KIF20B: variants seen among roughly 807,000 people sequenced by gnomAD.
The protein encoded by KIF20B is kinesin-like protein KIF20B.
KIF20B carries 188 observed loss-of-function variants against 232.5 expected under a neutral mutation model. That is an observed-to-expected ratio of 0.81 (90% CI 0.72 to 0.91). The LOEUF is 0.91. KIF20B is among the 40% of genes least tolerant of loss of function. The probability of loss-of-function intolerance (pLI) is 0.00; values close to 1 mark genes in which losing one functional copy is unlikely to be tolerated. For synonymous variants in KIF20B, 712 were observed against 683.0 expected (o/e 1.04, Z -0.66); for missense variants, 2,154 against 2,055.9 (o/e 1.05, Z -0.92).
In KIF20B at chr10:89,717,675, G is replaced by A; in HGVS notation, c.1224G>A (p.Leu408=). Residue 408 remains leucine, a synonymous_variant, in exon 11 of 33, where the codon TTG becomes TTA. Coordinates refer to ENST00000371728, the MANE Select transcript of KIF20B (RefSeq NM_001284259.2). ...RETGNINTSL[L]TLGKCINVLK... ...CTGGGAATATCAACACTTCTTTATT[G>A]ACTCTGGGAAAGTGTATTAACGTCT... 1 of 1,609,878 alleles carries A rather than the reference G, an allele frequency of 6.2e-7. No individual in the cohort carries two copies. Among genetic ancestry groups the A allele is most frequent in the Non-Finnish European group, 8.5e-7 (1 of 1,177,136 alleles).
intron 19 of KIF20B, among the ~76,000 whole-genome samples, chr10:89,735,546 T>TTTC (rs1841631656): frequency 6.8e-6 from 1 of 146,416 alleles, no homozygotes; most frequent in South Asian, 2.2e-4. Flanking sequence ...TTTTTTTTTT[T>TTTC]TTTTTTTTTT....
chr10:89,710,870 A>G (rs1842823191), intron 5 of KIF20B, 91 bp from the exon 6 acceptor site: 2 of 912,216 alleles, frequency 2.2e-6, no homozygotes, highest in East Asian at 2.7e-5. Context: ...ACTCTTGCCT[A>G]TTGGTAGTAT....
intron 18 of KIF20B, among the ~76,000 whole-genome samples, chr10:89,732,570 A>G (rs915525187): frequency 3.3e-5 from 5 of 152,188 alleles, no homozygotes; most frequent in Non-Finnish European, 2.9e-5. Flanking sequence ...CTATTTTTCT[A>G]GGAGTTGTTA....
At chr10:89,701,846 G>C (rs1842616299) in intron 1 of KIF20B, 166 bp downstream of exon 1, 2 of 152,214 alleles carry the variant, frequency 1.3e-5, no homozygotes, top group East Asian at 1.9e-4. Flanking sequence ...ATGCGAACAC[G>C]GGGTACGCAG....
chr10:89,740,270 TTTAC>T (rs1841767793), intron 21 of KIF20B, among the ~76,000 whole-genome samples: 2 of 151,932 alleles, frequency 1.3e-5, no homozygotes, highest in Admixed American at 6.6e-5. Context: ...AGTTTTTATT[TTTAC>T]TTATTTAAAA....
intron 24 of KIF20B, 104 bp from the exon 25 acceptor site, chr10:89,752,463 A>T (rs1016047842): frequency 2.6e-6 from 2 of 774,430 alleles, no homozygotes; most frequent in South Asian, 2.2e-5. Flanking sequence ...TGTGTTCTTT[A>T]TCTGGGCTCT....
chr10:89,751,686 T>C (rs1365714683), intron 24 of KIF20B, among the ~76,000 whole-genome samples: 1 of 152,044 alleles, frequency 6.6e-6, no homozygotes, highest in African/African-American at 2.4e-5. Flanking sequence ...GGACACTGCA[T>C]GATAACTTAC....
intron 25 of KIF20B, among the ~76,000 whole-genome samples, chr10:89,754,089 T>C (rs1351801996): frequency 6.6e-6 from 1 of 151,328 alleles, no homozygotes; most frequent in African/African-American, 2.4e-5. Context: ...TTAATAAATA[T>C]CCTGTTGCAC....
At chr10:89,758,626 T>G in intron 26 of KIF20B, 80 bp from the exon 27 acceptor site, 1 of 952,570 alleles carries the variant, frequency 1.0e-6, no homozygotes, top group South Asian at 2.6e-5. Context: ...TTTATGGTGT[T>G]ACATATAATA....
chr10:89,751,530 C>A, intron 24 of KIF20B, 59 bp downstream of exon 24: 1 of 1,500,628 alleles, frequency 6.7e-7, no homozygotes, highest in South Asian at 1.3e-5. Flanking sequence ...AAAAAATTTC[C>A]TAGATTTCTT....
chr10:89,750,865 A>C (rs2133149889), intron 23 of KIF20B, among the ~76,000 whole-genome samples: 1 of 152,294 alleles, frequency 6.6e-6, no homozygotes, highest in African/African-American at 2.4e-5. Context: ...ATTTTTCTAG[A>C]AAAAGTAACT....
chr10:89,764,046 C>G (rs1054969410), intron 29 of KIF20B, among the ~76,000 whole-genome samples: 5 of 111,072 alleles, frequency 4.5e-5, no homozygotes, highest in African/African-American at 1.7e-4. Context: ...TCCCTCCCCC[C>G]TCCCCCCACC....
chr10:89,729,679 T>C (rs12253366), intron 18 of KIF20B, among the ~76,000 whole-genome samples: 2,567 of 152,302 alleles, frequency 0.017, 90 homozygotes, highest in African/African-American at 0.058. Flanking sequence ...TTGCTATTGT[T>C]TATATGCTTA....
intron 8 of KIF20B, 108 bp downstream of exon 8, chr10:89,715,290 A>G: frequency 1.5e-6 from 1 of 688,452 alleles, no homozygotes; most frequent in East Asian, 2.9e-5. Context: ...AATGCTAATT[A>G]TTAACATTAA....
intron 31 of KIF20B, among the ~76,000 whole-genome samples, chr10:89,769,677 A>G (rs891256722): frequency 6.9e-6 from 1 of 145,838 alleles, no homozygotes; most frequent in Admixed American, 6.8e-5. Context: ...ATGTTAAGAT[A>G]TATACACATG....
intron 1 of KIF20B, among the ~76,000 whole-genome samples, chr10:89,703,527 G>T (rs919416143): frequency 6.6e-5 from 10 of 152,270 alleles, no homozygotes; most frequent in Admixed American, 3.3e-4. Context: ...ATGCCTAAAT[G>T]ATGTTGCACA....
At chr10:89,760,723 C>T (rs1842222032) in intron 28 of KIF20B, 87 bp downstream of exon 28, 1 of 775,780 alleles carries the variant, frequency 1.3e-6, no homozygotes, top group Non-Finnish European at 2.2e-6. Flanking sequence ...CTGAAGATAC[C>T]TTACTGCACA....
At chr10:89,770,511 TATA>T (rs988993411) in intron 31 of KIF20B, among the ~76,000 whole-genome samples, 2 of 152,022 alleles carry the variant, frequency 1.3e-5, no homozygotes, top group Non-Finnish European at 2.9e-5. Context: ...GGTAGGTACC[TATA>T]ATAAGTATGT....
intron 7 of KIF20B, 103 bp downstream of exon 7, chr10:89,714,186 TAA>T: frequency 1.6e-6 from 1 of 641,094 alleles, no homozygotes; most frequent in South Asian, 3.7e-5. Flanking sequence ...TTTTTATTAT[TAA>T]AAAATTTTTA....
Sources: allele counts gnomAD v4.1 joint callset (sites outside exome capture counted in the v4.1 genomes callset), GRCh38; gene constraint gnomAD v4.1.1; transcripts MANE v1.5; gene names NCBI Gene and HGNC (gene_info 2026-07-23, HGNC 2026-07-21).